Variants in RFC3 observed in about 807,000 individuals in gnomAD.
RFC3 encodes A1 38 kDa subunit.
A neutral mutation model predicts 45.1 loss-of-function variants in RFC3; 41 were observed. The observed-to-expected ratio is 0.91, with a 90% CI of 0.71 to 1.18. The LOEUF (loss-of-function observed/expected upper bound fraction) is 1.18, where lower values mean the gene tolerates loss of function less well. Among genes scored for constraint, RFC3 ranks in the 50% most tolerant of loss-of-function variants. RFC3 has a pLI of 0.00. For missense variants in RFC3, 423 were observed against 428.1 expected, an observed-to-expected ratio of 0.99 and a Z score of 0.10; for synonymous variants, 149 against 144.0, an observed-to-expected ratio of 1.03 and a Z score of -0.25.
At chr13:33,841,694 C>T (rs2082199868), downstream of RFC3, among the ~76,000 whole-genome samples, 1 of 152,150 alleles carries the variant, frequency 6.6e-6, no homozygotes, top group Non-Finnish European at 1.5e-5. Context: ...ATGCCCTTAA[C>T]TCTTGCATTG....
chr13:33,937,199 T>G (rs2082892219), intron 8 of RFC3, among the ~76,000 whole-genome samples: 1 of 152,182 alleles, frequency 6.6e-6, no homozygotes, highest in Admixed American at 6.5e-5. Flanking sequence ...TGTTCAGATA[T>G]GTTTAGATAT....
intron 8 of RFC3, among the ~76,000 whole-genome samples, chr13:33,869,573 A>G (rs902518136): frequency 3.3e-5 from 5 of 152,220 alleles, no homozygotes; most frequent in African/African-American, 9.6e-5. Context: ...CTCTTGTGCC[A>G]TCTGTTCCCA....
chr13:33,850,484 G>C (rs1401423424), intron 8 of RFC3: 1 of 151,954 alleles, frequency 6.6e-6, no homozygotes, highest in Non-Finnish European at 1.5e-5. Context: ...TTGATACACT[G>C]AGAAAACATC....
intron 8 of RFC3, among the ~76,000 whole-genome samples, chr13:33,873,510 G>C (rs2082425963): frequency 6.6e-6 from 1 of 152,202 alleles, no homozygotes; most frequent in African/African-American, 2.4e-5. Flanking sequence ...TGGAGTGTCT[G>C]AGAAGTGAGA....
intron 8 of RFC3, among the ~76,000 whole-genome samples, chr13:33,842,569 C>T (rs1419674908): frequency 6.6e-6 from 1 of 152,184 alleles, no homozygotes. Context: ...TCTCTGAATT[C>T]TGCTCCTTTT....
intron 8 of RFC3, among the ~76,000 whole-genome samples, chr13:33,889,603 C>G (rs1400801685): frequency 6.6e-6 from 1 of 152,112 alleles, no homozygotes; most frequent in African/African-American, 2.4e-5. Context: ...GAAATATGCA[C>G]AAATTGTTAT....
At chr13:33,923,771 G>A (rs1204291499) in intron 8 of RFC3, among the ~76,000 whole-genome samples, 1 of 152,102 alleles carries the variant, frequency 6.6e-6, no homozygotes, top group African/African-American at 2.4e-5. Context: ...TTTAAAATCT[G>A]AAGGTGCTTT....
chr13:33,967,698 G>A (rs2083094770), downstream of RFC3, among the ~76,000 whole-genome samples: 1 of 151,864 alleles, frequency 6.6e-6, no homozygotes, highest in African/African-American at 2.4e-5. Context: ...ATGTTGGCCA[G>A]GCTGGTCTTG....
chr13:33,965,667 T>G (rs920869429), intron 8 of RFC3, among the ~76,000 whole-genome samples: 1 of 152,220 alleles, frequency 6.6e-6, no homozygotes, highest in Non-Finnish European at 1.5e-5. Context: ...GGGGTTTGCC[T>G]GAAGAAGGGA....
chr13:33,880,850 G>A (rs1205882673), intron 8 of RFC3, among the ~76,000 whole-genome samples: 3 of 152,196 alleles, frequency 2.0e-5, no homozygotes, highest in Non-Finnish European at 4.4e-5. Flanking sequence ...AAGGTCAGGA[G>A]TTCGAGACCA....
chr13:33,940,407 T>C (rs765838338), intron 8 of RFC3, among the ~76,000 whole-genome samples: 38 of 152,194 alleles, frequency 2.5e-4, no homozygotes, highest in Admixed American at 1.3e-4. Flanking sequence ...GAATATTCTC[T>C]GGATAGTTTT....
At chr13:33,825,276 G>T (rs2082038889) in intron 3 of RFC3, among the ~76,000 whole-genome samples, 2 of 152,034 alleles carry the variant, frequency 1.3e-5, no homozygotes, top group Non-Finnish European at 2.9e-5. Context: ...AACTCAATTT[G>T]CTTATCTCAT....
At chr13:33,909,374 T>A (rs78360002) in intron 8 of RFC3, among the ~76,000 whole-genome samples, 1,919 of 152,112 alleles carry the variant, frequency 0.013, 45 homozygotes, top group African/African-American at 0.044. Context: ...ACAGTCCACA[T>A]AACCCCTCTC....
chr13:33,825,686 TA>T, intron 3 of RFC3, 102 bp from the exon 4 acceptor site: 1 of 513,640 alleles, frequency 1.9e-6, no homozygotes, highest in Non-Finnish European at 3.3e-6. Flanking sequence ...AGTTAAGTGA[TA>T]TTAATTTTGA....
At chr13:33,918,375 C>G (rs2082746473) in intron 8 of RFC3, among the ~76,000 whole-genome samples, 1 of 152,084 alleles carries the variant, frequency 6.6e-6, no homozygotes, top group South Asian at 2.1e-4. Context: ...CCTTTCATGG[C>G]CCCTGGCTGG....
chr13:33,857,042 G>A (rs2082312517), intron 8 of RFC3, among the ~76,000 whole-genome samples: 1 of 152,012 alleles, frequency 6.6e-6, no homozygotes, highest in African/African-American at 2.4e-5. Flanking sequence ...TAATACATGG[G>A]GCAAGAGAAT....
chr13:33,897,771 T>C (rs1046348106), intron 8 of RFC3, among the ~76,000 whole-genome samples: 13 of 152,032 alleles, frequency 8.6e-5, no homozygotes, highest in Admixed American at 6.6e-5. Context: ...GTATCTATAA[T>C]ATATCAGATA....
exon 9 of RFC3, chr13:33,966,285 C>G (rs1205985283): frequency 1.5e-6 from 1 of 655,456 alleles, no homozygotes; most frequent in African/African-American, 1.8e-5. Flanking sequence ...GAAAATCCCT[C>G]CCTGACCCAC....
chr13:33,851,302 G>A (rs951644987), intron 8 of RFC3, among the ~76,000 whole-genome samples: 6 of 152,236 alleles, frequency 3.9e-5, no homozygotes, highest in African/African-American at 1.2e-4. Context: ...AATGTCGGGG[G>A]TTGGAGCATC....
Sources: gnomAD v4.1 joint callset for allele counts (sites outside exome capture counted in the v4.1 genomes callset) on GRCh38, gnomAD v4.1.1 for gene constraint, MANE v1.5 for transcripts, NCBI Gene and HGNC (gene_info 2026-07-23, HGNC 2026-07-21) for gene names.